Variants in PLEKHA4 observed in about 807,000 individuals in gnomAD.
PLEKHA4 encodes pleckstrin homology domain containing A4, also known as pleckstrin homology domain-containing family A member 4.
PLEKHA4 carries 73 observed loss-of-function variants against 94.7 expected under a neutral mutation model. The ratio of observed to expected loss-of-function variants is 0.77; its 90% CI spans 0.64 to 0.94. The LOEUF is 0.94. Among genes scored for constraint, PLEKHA4 ranks in the 40% least tolerant of loss-of-function variants. The pLI is 0.00. For synonymous variants in PLEKHA4, 449 were observed against 437.1 expected, an observed-to-expected ratio of 1.03 and a Z score of -0.34; for missense variants, 1,049 against 1,054.1, an observed-to-expected ratio of 1.00 and a Z score of 0.07.
At chr19:48,859,724 T>C (rs1347143205) in intron 6 of PLEKHA4, 40 bp from the exon 7 acceptor site, 1 of 1,554,642 alleles carries the variant, frequency 6.4e-7, no homozygotes, top group Admixed American at 1.7e-5. Context: ...TCCTTCGAAC[T>C]TCATAACAGC....
At chr19:48,854,336 C>T (rs977022363) in intron 9 of PLEKHA4, 72 bp from the exon 10 acceptor site, 29 of 1,337,708 alleles carry the variant, frequency 2.2e-5, no homozygotes, top group South Asian at 5.9e-5. Context: ...TGCTGAGCCA[C>T]GCCCTGTCTC....
chr19:48,866,267 G>T (rs1252342355), intron 2 of PLEKHA4, among the ~76,000 whole-genome samples: 1 of 151,672 alleles, frequency 6.6e-6, no homozygotes, highest in Non-Finnish European at 1.5e-5. Flanking sequence ...TTTTGTAGGG[G>T]ACGGGGGTCT....
intron 16 of PLEKHA4, among the ~76,000 whole-genome samples, chr19:48,842,231 G>A (rs2035797888): frequency 7.0e-6 from 1 of 142,420 alleles, no homozygotes; most frequent in Admixed American, 7.5e-5. Flanking sequence ...TGCAACCTCC[G>A]CCTCCTGGGT....
At chr19:48,852,204 T>G in intron 13 of PLEKHA4, 24 bp downstream of exon 13, 1 of 1,589,712 alleles carries the variant, frequency 6.3e-7, no homozygotes, top group East Asian at 2.2e-5. Flanking sequence ...GGGTGGGTCT[T>G]GGGGTCTCCA....
At chr19:48,853,984 G>A (rs746380180) in intron 11 of PLEKHA4, 23 bp downstream of exon 11, 6 of 1,613,872 alleles carry the variant, frequency 3.7e-6, no homozygotes, top group Admixed American at 3.3e-5. Flanking sequence ...CAGGCGCCCT[G>A]TCCTTGGCCC....
At chr19:48,866,716 C>T (rs979915424) in intron 2 of PLEKHA4, among the ~76,000 whole-genome samples, 3 of 152,126 alleles carry the variant, frequency 2.0e-5, no homozygotes, top group Admixed American at 6.5e-5. Flanking sequence ...TGCCCTTGGC[C>T]ACCAGAGCCA....
At chr19:48,850,253 C>T (rs1314144148) in intron 13 of PLEKHA4, among the ~76,000 whole-genome samples, 1 of 151,884 alleles carries the variant, frequency 6.6e-6, no homozygotes, top group Non-Finnish European at 1.5e-5. Flanking sequence ...CGCCTGTAAT[C>T]CCAGCACTTT....
At chr19:48,853,045 T>C (rs1306016008) in intron 12 of PLEKHA4, among the ~76,000 whole-genome samples, 1 of 152,230 alleles carries the variant, frequency 6.6e-6, no homozygotes, top group African/African-American at 2.4e-5. Context: ...GATCATGTGC[T>C]AGGCATTGTT....
At chr19:48,857,633 T>C in intron 8 of PLEKHA4, 137 bp from the exon 9 acceptor site, 1 of 615,816 alleles carries the variant, frequency 1.6e-6, no homozygotes. Context: ...CTGTGCTCTC[T>C]GAAACATGTG....
At chr19:48,838,206 G>C in intron 18 of PLEKHA4, 77 bp from the exon 19 acceptor site, 7 of 825,768 alleles carry the variant, frequency 8.5e-6, no homozygotes, top group Non-Finnish European at 1.4e-5. Flanking sequence ...GGTACAAAAA[G>C]AAAAGGATGA....
intron 3 of PLEKHA4, among the ~76,000 whole-genome samples, chr19:48,863,999 C>T (rs28370980): frequency 0.038 from 5,854 of 152,224 alleles, 359 homozygotes; most frequent in African/African-American, 0.13. Flanking sequence ...GATGGTACCT[C>T]ATCATTTGCC....
chr19:48,838,225 T>C (rs1399760822), intron 18 of PLEKHA4, 96 bp from the exon 19 acceptor site: 5 of 649,742 alleles, frequency 7.7e-6, no homozygotes, highest in Non-Finnish European at 1.4e-5. Flanking sequence ...GAATAAGACC[T>C]ACTATTAGAT....
At chr19:48,857,585 C>G (rs1224603102) in intron 8 of PLEKHA4, 89 bp from the exon 9 acceptor site, 1 of 745,440 alleles carries the variant, frequency 1.3e-6, no homozygotes, top group African/African-American at 1.8e-5. Flanking sequence ...AATTCTTCTG[C>G]CTTGGGATCC....
chr19:48,867,409 C>G lies in PLEKHA4; in HGVS notation c.84+128G>C. ...GCTGCGGTGTGTAGGCAATTTGGGA[C>G]CTTACTATGTCTGGCAGACCCCGTT... On this transcript the variant is annotated intron_variant, in intron 2 of 19. Coordinates refer to ENST00000263265, the MANE Select transcript of PLEKHA4 (RefSeq NM_020904.3). The surrounding 1 kb of genome is among the most constrained non-coding windows in gnomAD (Gnocchi z 4.7). The G allele has an allele frequency of 9.3e-7, 1 of 1,075,158 alleles. No homozygotes were observed. The highest frequency in any genetic ancestry group is 2.4e-5 in the Admixed American group (1 of 42,402). 66.6% of individuals were successfully genotyped at this position (1,075,158 alleles called of 1,614,324 possible).
rs188727348 is a variant in PLEKHA4 at position 48,849,412 on chromosome 19, G to A, written c.1426-1372C>T. Among the ~76,000 whole-genome samples the A allele has an allele frequency of 3.4e-4, 51 of 152,064 alleles. 1 individual carries two copies. The highest frequency in any genetic ancestry group is 1.9e-3 in the South Asian group (9 of 4,818). Reference sequence around the variant, plus strand: ...CAACCTCCGCCTCCCGGGTTCAAGCGATTCTCCTGCCTCAGCCTCCTGAGT... The same window carrying A: ...CAACCTCCGCCTCCCGGGTTCAAGCAATTCTCCTGCCTCAGCCTCCTGAGT... On this transcript the variant is annotated intron_variant, in intron 13 of 19. Transcript: ENST00000263265.
Position 48,859,160 on chromosome 19 carries a change from G to A in PLEKHA4, c.693-21C>T, listed in dbSNP as rs1417236773. On this transcript the variant is annotated intron_variant, in intron 7 of 19. Coordinates refer to ENST00000263265, the MANE Select transcript of PLEKHA4 (RefSeq NM_020904.3). Reference sequence around the variant, plus strand: ...ACAGGCTGTGGGAAGGAGAGAATCGGGGAACTGAGTCAACTAGAGCCCTCT... The same window carrying A: ...ACAGGCTGTGGGAAGGAGAGAATCGAGGAACTGAGTCAACTAGAGCCCTCT... 4.6e-6 allele frequency: 7 copies of A among 1,512,406 alleles called. No homozygotes were observed. The East Asian group carries it at 1.7e-4, about 37-fold the overall frequency. The allele number at this position is 1,512,406 out of a possible 1,614,324, so 93.7% of individuals were successfully genotyped here.
At chr19:48,858,383 A>G (rs1166031995) in intron 8 of PLEKHA4, among the ~76,000 whole-genome samples, 1 of 152,124 alleles carries the variant, frequency 6.6e-6, no homozygotes, top group Non-Finnish European at 1.5e-5. Flanking sequence ...GCACTTTGGG[A>G]GGCTGAGATG....
At chr19:48,844,124 TA>T (rs1223323272) in intron 16 of PLEKHA4, among the ~76,000 whole-genome samples, 2 of 29,634 alleles carry the variant, frequency 6.7e-5, no homozygotes, top group African/African-American at 2.7e-4. Context: ...TTTATTTTAT[TA>T]TTATTATTAT....
Position 48,841,185 on chromosome 19 carries a change from C to G in PLEKHA4, c.1869G>C (p.Leu623=), listed in dbSNP as rs1394384676. Residue 623 remains leucine, a synonymous_variant, in exon 17 of 20, where the codon CTG becomes CTC. Transcript: ENST00000263265. ...SPRLLTLGRT[L]SPARRQPDVE... is the part of the protein sequence containing the mutation. ...CGTCAGGCTGGCGTCTGGCTGGGGA[C>G]AGTGTCCTTCCCAGGGTGAGAAGCC... The G allele has an allele frequency of 6.2e-7, 1 of 1,612,228 alleles. No individual in the cohort carries two copies. Among genetic ancestry groups the G allele is most frequent in the Non-Finnish European group, 8.5e-7 (1 of 1,179,336 alleles).
Sources: gnomAD v4.1 joint callset for allele counts (sites outside exome capture counted in the v4.1 genomes callset) on GRCh38, gnomAD v4.1.1 for gene constraint, Gnocchi (gnomAD v3.1) non-coding constraint, MANE v1.5 for transcripts, NCBI Gene and HGNC (gene_info 2026-07-23, HGNC 2026-07-21) for gene names.